PRRC2C: variants seen among roughly 807,000 people sequenced by gnomAD.
PRRC2C encodes protein PRRC2C.
PRRC2C carries 72 observed loss-of-function variants against 317.2 expected under a neutral mutation model. That is an observed-to-expected ratio of 0.23 (90% CI 0.19 to 0.28). PRRC2C has a LOEUF of 0.28. Ranked by LOEUF, PRRC2C falls within the 10% of genes least tolerant of loss-of-function variation. The probability of loss-of-function intolerance (pLI) is 1.00; values close to 1 mark genes in which losing one functional copy is unlikely to be tolerated. For synonymous variants in PRRC2C, 1,296 were observed against 1,205.9 expected, an observed-to-expected ratio of 1.07 and a Z score of -1.55; for missense variants, 3,074 against 3,459.7, an observed-to-expected ratio of 0.89 and a Z score of 2.80.
chr1:171,589,308 G>GTTTTTTT (rs11284338), intron 33 of PRRC2C, 61 bp from the exon 34 acceptor site: 30 of 446,040 alleles, frequency 6.7e-5, no homozygotes, highest in East Asian at 2.5e-4. Flanking sequence ...CTAGTTGGCA[G>GTTTTTTT]TTTTTTTTTT....
chr1:171,504,660 A>G (rs953052226), intron 1 of PRRC2C, among the ~76,000 whole-genome samples: 3 of 151,944 alleles, frequency 2.0e-5, no homozygotes. Flanking sequence ...CACTGTCTTC[A>G]TTGCTGTGCC....
At chr1:171,487,089 G>T (rs1484871476) in intron 1 of PRRC2C, among the ~76,000 whole-genome samples, 1 of 152,122 alleles carries the variant, frequency 6.6e-6, no homozygotes, top group South Asian at 2.1e-4. Context: ...GATTGTGTTT[G>T]CTCTGCTTAG....
At position 171,541,520 on chromosome 1, in the gene PRRC2C, C is replaced by T. The variant is rs1238670752; in HGVS notation, c.4054C>T (p.Arg1352Cys). 44 of 1,613,316 alleles carry T rather than the reference C, an allele frequency of 2.7e-5. No individual in the cohort carries two copies. Among genetic ancestry groups the T allele is most frequent in the Middle Eastern group, 1.6e-4 (1 of 6,084 alleles). ...TRRGRGGTFR[R>C]GGRDPGGRPS... ...GAGAGGCAGAGGGGGAACATTCAGG[C>T]GTGGTGGAAGGGATCCTGGAGGCCG... Residue 1352 changes from arginine (R) to cysteine (C), a missense_variant, in exon 16 of 35, where the codon CGT becomes TGT. This residue lies in a region of PRRC2C where 1,320 missense variants were observed against 1,395.7 expected (regional missense o/e 0.95). Coordinates refer to ENST00000647382, the MANE Select transcript of PRRC2C (RefSeq NM_001387844.1). The surrounding 1 kb of genome is among the most constrained non-coding windows in gnomAD (Gnocchi z 4.1).
At chr1:171,487,908 T>A (rs980248641) in intron 1 of PRRC2C, among the ~76,000 whole-genome samples, 1 of 152,228 alleles carries the variant, frequency 6.6e-6, no homozygotes, top group Non-Finnish European at 1.5e-5. Context: ...CTGATATGTC[T>A]ACTTATATGC....
chr1:171,513,287 T>C, intron 3 of PRRC2C, 115 bp downstream of exon 3: 1 of 1,123,894 alleles, frequency 8.9e-7, no homozygotes, highest in Non-Finnish European at 1.3e-6. Context: ...ATTACATATT[T>C]TATACTCTTT....
At chr1:171,502,200 A>G (rs1669227764) in intron 1 of PRRC2C, among the ~76,000 whole-genome samples, 1 of 152,196 alleles carries the variant, frequency 6.6e-6, no homozygotes, top group Non-Finnish European at 1.5e-5. Flanking sequence ...CTGAGACATG[A>G]CTTTTACACT....
At chr1:171,533,889 T>C (rs1308699405) in intron 12 of PRRC2C, among the ~76,000 whole-genome samples, 1 of 152,208 alleles carries the variant, frequency 6.6e-6, no homozygotes, top group Non-Finnish European at 1.5e-5. Context: ...CCCAAAGTAC[T>C]GGGATTGTAG....
At chr1:171,550,541 A>G (rs1014367550) in intron 18 of PRRC2C, among the ~76,000 whole-genome samples, 2 of 150,660 alleles carry the variant, frequency 1.3e-5, no homozygotes, top group African/African-American at 2.5e-5. Flanking sequence ...ATATGTATAC[A>G]TGTGCTATGT....
chr1:171,530,845 T>G (rs1173106523), intron 11 of PRRC2C, among the ~76,000 whole-genome samples: 1 of 152,224 alleles, frequency 6.6e-6, no homozygotes, highest in Non-Finnish European at 1.5e-5. Context: ...CAGTTTCTTG[T>G]AAATGAAATA....
chr1:171,564,304 TA>T (rs1683219158), intron 20 of PRRC2C, among the ~76,000 whole-genome samples: 1 of 152,204 alleles, frequency 6.6e-6, no homozygotes, highest in African/African-American at 2.4e-5. Flanking sequence ...GTGTTATGTA[TA>T]TTTCATAAAC....
chr1:171,535,549 T>C lies in PRRC2C; in HGVS notation c.1995T>C (p.Tyr665=), dbSNP rs144915557. The C allele has an allele frequency of 1.8e-4, 291 of 1,614,032 alleles. No homozygotes were observed. The highest frequency in any genetic ancestry group is 3.2e-4 in the Admixed American group (19 of 60,026). ...SQPRPAVLSG[Y]FKQFQKSLPP... ...CTCGGCCGGCTGTATTATCTGGCTA[T>C]TTCAAACAGTTTCAGAAGTCTTTAC... is the stretch of plus-strand genomic sequence containing the variant. Residue 665 remains tyrosine, a synonymous_variant, in exon 13 of 35, where the codon TAT becomes TAC. Coordinates refer to ENST00000647382, the MANE Select transcript of PRRC2C (RefSeq NM_001387844.1).
rs145525736 is a variant in PRRC2C, at chr1:171,502,127, C to G, written c.-57-9905C>G. The stretch of plus-strand genomic sequence containing the variant: ...TAGAATAAACTCAAGGATAACACTT[C>G]TAATCCAAGGCTCTGCAAAATGTGA... On this transcript the variant is annotated intron_variant, in intron 1 of 34. Transcript: ENST00000647382. 2.8e-3 allele frequency among the ~76,000 whole-genome samples: 425 copies of G among 152,310 alleles called. 1 individual carries two copies. Among genetic ancestry groups the G allele is most frequent in the African/African-American group, 9.9e-3 (410 of 41,560 alleles).
Position 171,497,295 on chromosome 1 carries a change from T to C in PRRC2C, c.-58+11560T>C, listed in dbSNP as rs74499173. ...ATCCTGATTTTTTAAATAATGAGATTATGTTGGGCACTGGCTTTGAAGTCA... is the reference window on the plus strand; with the variant it reads ...ATCCTGATTTTTTAAATAATGAGATCATGTTGGGCACTGGCTTTGAAGTCA... On this transcript the variant is annotated intron_variant, in intron 1 of 34. Coordinates refer to ENST00000647382, the MANE Select transcript of PRRC2C (RefSeq NM_001387844.1). 7.2e-5 allele frequency among the ~76,000 whole-genome samples: 11 copies of C among 152,312 alleles called. No homozygotes were observed. In the East Asian group the frequency reaches 1.9e-3, roughly 27 times the overall value.
intron 28 of PRRC2C, among the ~76,000 whole-genome samples, chr1:171,581,751 T>C (rs1207212683): frequency 2.0e-5 from 3 of 152,216 alleles, no homozygotes; most frequent in Non-Finnish European, 2.9e-5. Flanking sequence ...TAAGTAGGTA[T>C]TGTAAAGACT....
At chr1:171,589,741 T>A (rs1483088622) in intron 34 of PRRC2C, 136 bp downstream of exon 34, 1 of 436,966 alleles carries the variant, frequency 2.3e-6, no homozygotes, top group South Asian at 2.6e-5. Flanking sequence ...CTTTTATTCA[T>A]TCCCCCTTTT....
intron 11 of PRRC2C, among the ~76,000 whole-genome samples, chr1:171,530,676 T>G (rs569102876): frequency 1.3e-5 from 2 of 152,300 alleles, no homozygotes; most frequent in East Asian, 3.9e-4. Flanking sequence ...AGATATTCAG[T>G]GTCTTTAGTT....
intron 28 of PRRC2C, 40 bp from the exon 29 acceptor site, chr1:171,583,916 A>G: frequency 6.5e-7 from 1 of 1,533,512 alleles, no homozygotes. Context: ...TCCAGATGAA[A>G]TTAACTTCTA....
At chr1:171,546,776 T>TATC (rs1191845663) in intron 17 of PRRC2C, among the ~76,000 whole-genome samples, 1 of 151,832 alleles carries the variant, frequency 6.6e-6, no homozygotes, top group Non-Finnish European at 1.5e-5. Flanking sequence ...AATTTATTAT[T>TATC]ATTATTATTA....
intron 17 of PRRC2C, among the ~76,000 whole-genome samples, chr1:171,546,072 A>G (rs1174161244): frequency 6.6e-6 from 1 of 152,228 alleles, no homozygotes; most frequent in African/African-American, 2.4e-5. Context: ...CTAAATGTTA[A>G]ACTCAATAAT....
Sources: allele counts gnomAD v4.1 joint callset (sites outside exome capture counted in the v4.1 genomes callset), GRCh38; gene constraint gnomAD v4.1.1; regional missense constraint gnomAD v4.1.1; non-coding constraint Gnocchi (gnomAD v3.1); transcripts MANE v1.5; gene names NCBI Gene and HGNC (gene_info 2026-07-23, HGNC 2026-07-21).